YEATS4: variants seen among roughly 807,000 people sequenced by gnomAD.
The protein encoded by YEATS4 is YEATS domain-containing protein 4.
Under a neutral mutation model 30.1 loss-of-function variants are expected in YEATS4, and 17 were observed. That is an observed-to-expected ratio of 0.56 (90% CI 0.39 to 0.85). The LOEUF (loss-of-function observed/expected upper bound fraction) is 0.85. Ranked by LOEUF, YEATS4 falls within the 40% of genes least tolerant of loss-of-function variation. The pLI, the probability that YEATS4 is intolerant of heterozygous loss-of-function variation, is 0.00. For synonymous variants in YEATS4, 85 were observed against 87.5 expected (o/e 0.97, Z 0.16); for missense variants, 142 against 268.3 (o/e 0.53, Z 3.29).
chr12:69,371,010 C>T (rs1262271064), intron 6 of YEATS4, 35 bp downstream of exon 6: 1 of 1,578,034 alleles, frequency 6.3e-7, no homozygotes, highest in African/African-American at 1.4e-5. Context: ...TGAAAAATAA[C>T]GTATTCTGTA....
the YEATS4 span, among the ~76,000 whole-genome samples, chr12:69,400,686 T>C: frequency 1.3e-5 from 2 of 149,022 alleles, no homozygotes; most frequent in South Asian, 4.2e-4. Flanking sequence ...CCCCGCCCAA[T>C]TTAAAAAGTT....
At chr12:69,375,071 C>T (rs910991120) in intron 6 of YEATS4, among the ~76,000 whole-genome samples, 5 of 150,498 alleles carry the variant, frequency 3.3e-5, no homozygotes, top group Admixed American at 1.3e-4. Flanking sequence ...CCGGAGGGGG[C>T]GGCTGCCGGG....
chr12:69,392,856 A>G (rs1329601123), downstream of YEATS4, among the ~76,000 whole-genome samples: 4 of 152,180 alleles, frequency 2.6e-5, no homozygotes, highest in Non-Finnish European at 4.4e-5. Flanking sequence ...TCTGTTGCTC[A>G]TGCCTAAATA....
At chr12:69,388,300 A>G (rs1868277437) in intron 6 of YEATS4, among the ~76,000 whole-genome samples, 1 of 152,242 alleles carries the variant, frequency 6.6e-6, no homozygotes, top group African/African-American at 2.4e-5. Flanking sequence ...TGCTTTACAT[A>G]TAATTACTTC....
intron 6 of YEATS4, 62 bp from the exon 7 acceptor site, chr12:69,390,085 C>A: frequency 7.5e-7 from 1 of 1,326,500 alleles, no homozygotes; most frequent in Non-Finnish European, 1.0e-6. Context: ...ATATTTATTA[C>A]CCTGTCATAT....
chr12:69,386,612 C>G (rs1327569120), intron 6 of YEATS4, among the ~76,000 whole-genome samples: 1 of 152,162 alleles, frequency 6.6e-6, no homozygotes, highest in Non-Finnish European at 1.5e-5. Flanking sequence ...TCTAACAAAG[C>G]GCATATCATT....
At chr12:69,362,536 C>CAACA (rs1323716455) in intron 1 of YEATS4, among the ~76,000 whole-genome samples, 7 of 152,242 alleles carry the variant, frequency 4.6e-5, no homozygotes, top group Admixed American at 4.6e-4. Flanking sequence ...TTTCTTTTAA[C>CAACA]AACACTCTAA....
chr12:69,421,528 C>T, the YEATS4 span, among the ~76,000 whole-genome samples: 1 of 152,028 alleles, frequency 6.6e-6, no homozygotes, highest in Non-Finnish European at 1.5e-5. Context: ...TCTAAGGAAG[C>T]CAAGCGGGGT....
the YEATS4 span, chr12:69,401,241 A>G: frequency 2.0e-5 from 3 of 152,172 alleles, no homozygotes; most frequent in Non-Finnish European, 4.4e-5. Context: ...TTGATCAAGT[A>G]ACTTCACTGA....
rs1332489713 is a variant in YEATS4 at position 69,365,573 on chromosome 12, TA to T, written c.172-59del. 5.8e-6 allele frequency: 7 copies of T among 1,212,690 alleles called. No individual in the cohort carries two copies. In the East Asian group the frequency reaches 1.4e-4, roughly 24 times the overall value. The allele number at this position is 1,212,690 out of a possible 1,614,324, so 75.1% of individuals were successfully genotyped here. ...TAAAACTAAGTATATACGCTCAGTG[TA>T]TTTTTTTTCCTAGTTTTCATTTGTA... is the stretch of plus-strand genomic sequence containing the variant. On this transcript the variant is annotated intron_variant, in intron 2 of 6. Transcript: ENST00000247843.
At chr12:69,424,140 G>C in the YEATS4 span, among the ~76,000 whole-genome samples, 1 of 152,152 alleles carries the variant, frequency 6.6e-6, no homozygotes, top group Non-Finnish European at 1.5e-5. Flanking sequence ...GACACTTTTG[G>C]TTTCCAAAAC....
intron 6 of YEATS4, among the ~76,000 whole-genome samples, chr12:69,386,870 A>G (rs915813699): frequency 3.3e-5 from 5 of 152,184 alleles, no homozygotes; most frequent in African/African-American, 9.7e-5. Context: ...TTTCCTATAC[A>G]TATATACCTA....
downstream of YEATS4, among the ~76,000 whole-genome samples, chr12:69,392,615 C>T (rs1465108880): frequency 3.3e-5 from 5 of 152,200 alleles, no homozygotes; most frequent in South Asian, 2.1e-4. Context: ...ATTAAAGAAA[C>T]TCAGCTAATT....
At chr12:69,380,844 G>A (rs1159951058) in intron 6 of YEATS4, among the ~76,000 whole-genome samples, 1 of 152,136 alleles carries the variant, frequency 6.6e-6, no homozygotes, top group African/African-American at 2.4e-5. Context: ...CAGGTTCCAT[G>A]ATGCCCCACA....
intron 1 of YEATS4, among the ~76,000 whole-genome samples, chr12:69,360,667 A>ATTTT (rs71932216): frequency 7.0e-6 from 1 of 143,656 alleles, no homozygotes; most frequent in Non-Finnish European, 1.5e-5. Context: ...TGGCACGTTA[A>ATTTT]TTTTTTTTTT....
chr12:69,388,065 T>TTTTA (rs1333918350), intron 6 of YEATS4, among the ~76,000 whole-genome samples: 746 of 18,566 alleles, frequency 0.04, 3 homozygotes, highest in African/African-American at 0.27. Flanking sequence ...TTATTTTTAT[T>TTTTA]TTTTTTTTTT....
chr12:69,426,385 T>A, the YEATS4 span, among the ~76,000 whole-genome samples: 1 of 152,212 alleles, frequency 6.6e-6, no homozygotes, highest in Non-Finnish European at 1.5e-5. Flanking sequence ...ATTCTTTTTC[T>A]TTTGAGATGG....
chr12:69,362,353 ATGT>A (rs1358707917), intron 1 of YEATS4, among the ~76,000 whole-genome samples: 1 of 151,754 alleles, frequency 6.6e-6, no homozygotes, highest in Admixed American at 6.6e-5. Flanking sequence ...AAAGTGAAAA[ATGT>A]TTGACCTTTA....
chr12:69,393,762 T>C (rs2121100517), downstream of YEATS4, among the ~76,000 whole-genome samples: 1 of 152,284 alleles, frequency 6.6e-6, no homozygotes, highest in East Asian at 1.9e-4. Flanking sequence ...TTGCTAATTA[T>C]TAAAGCTTGA....
Sources: gnomAD v4.1 joint callset for allele counts (sites outside exome capture counted in the v4.1 genomes callset) on GRCh38, gnomAD v4.1.1 for gene constraint, MANE v1.5 for transcripts, NCBI Gene and HGNC (gene_info 2026-07-23, HGNC 2026-07-21) for gene names.